The following FAM110B variants were observed in gnomAD, a reference collection of about 807,000 sequenced individuals.
FAM110B encodes the protein protein FAM110B.
In FAM110B, 6 loss-of-function variants were observed where a neutral mutation model predicts 20.4. The observed-to-expected ratio is 0.29, with a 90% CI of 0.16 to 0.58. FAM110B has a LOEUF of 0.58. Ranked by LOEUF, FAM110B falls within the 20% of genes least tolerant of loss-of-function variation. The pLI is 0.90. For synonymous variants in FAM110B, 226 were observed against 214.1 expected, an observed-to-expected ratio of 1.06 and a Z score of -0.49; for missense variants, 434 against 498.2, an observed-to-expected ratio of 0.87 and a Z score of 1.23.
At chr8:58,121,834 T>C (rs1183517957) in intron 3 of FAM110B, among the ~76,000 whole-genome samples, 5 of 152,228 alleles carry the variant, frequency 3.3e-5, no homozygotes, top group African/African-American at 1.2e-4. Flanking sequence ...TCCAGGGTCA[T>C]TTCAGGGCCA....
At chr8:58,145,695 C>T (rs1199851961) in intron 3 of FAM110B, among the ~76,000 whole-genome samples, 1 of 152,250 alleles carries the variant, frequency 6.6e-6, no homozygotes, top group African/African-American at 2.4e-5. Flanking sequence ...TCTTTCTTCC[C>T]GGCACAGCGT....
chr8:58,037,344 G>A (rs531755982), intron 2 of FAM110B, among the ~76,000 whole-genome samples: 46 of 151,596 alleles, frequency 3.0e-4, no homozygotes, highest in African/African-American at 1.0e-3. Flanking sequence ...TAATTAAAAT[G>A]TCCTCCAATT....
chr8:58,126,626 C>G (rs563718537), intron 3 of FAM110B, among the ~76,000 whole-genome samples: 1 of 152,154 alleles, frequency 6.6e-6, no homozygotes, highest in South Asian at 2.1e-4. Flanking sequence ...GTAGTGATAG[C>G]TCATTCATGA....
At chr8:58,126,979 C>T (rs1003569720) in intron 3 of FAM110B, among the ~76,000 whole-genome samples, 1 of 152,206 alleles carries the variant, frequency 6.6e-6, no homozygotes, top group Non-Finnish European at 1.5e-5. Context: ...CATCAAGCCA[C>T]AGATCCTAAA....
At chr8:58,140,808 G>A (rs1803729050) in intron 3 of FAM110B, among the ~76,000 whole-genome samples, 1 of 152,172 alleles carries the variant, frequency 6.6e-6, no homozygotes, top group Non-Finnish European at 1.5e-5. Context: ...GGTCTTTATT[G>A]GAGTTTGTCT....
At position 58,004,924 on chromosome 8, in the gene FAM110B, C is replaced by T. The variant is rs539316147; in HGVS notation, c.-512+10118C>T. 3.9e-5 allele frequency among the ~76,000 whole-genome samples: 6 copies of T among 152,256 alleles called. No homozygotes were observed. The East Asian group carries it at 5.8e-4, about 15-fold the overall frequency. On this transcript the variant is annotated intron_variant, in intron 1 of 3. Coordinates refer to ENST00000519262, the MANE Select transcript of FAM110B (RefSeq NM_001377989.1). ...TATCCAGACCACTAAAACTGTCTCCCGAGAAGCGATAAGGCTGTTTTGCTT... is the reference window on the plus strand; with the variant it reads ...TATCCAGACCACTAAAACTGTCTCCTGAGAAGCGATAAGGCTGTTTTGCTT...
At chr8:58,103,779 T>C (rs1806845103) in intron 3 of FAM110B, among the ~76,000 whole-genome samples, 2 of 152,174 alleles carry the variant, frequency 1.3e-5, no homozygotes, top group Admixed American at 1.3e-4. Context: ...AGGCCCCTTC[T>C]CCTCCTGCCT....
chr8:58,032,971 G>A (rs755806101), intron 2 of FAM110B, among the ~76,000 whole-genome samples: 1 of 152,156 alleles, frequency 6.6e-6, no homozygotes, highest in African/African-American at 2.4e-5. Flanking sequence ...TGAGTATATT[G>A]TGTGATGCTG....
intron 2 of FAM110B, among the ~76,000 whole-genome samples, chr8:58,069,341 A>T (rs2150589445): frequency 6.6e-6 from 1 of 152,172 alleles, no homozygotes; most frequent in African/African-American, 2.4e-5. Flanking sequence ...ATTGGCAGTA[A>T]CTCTTCGAGG....
chr8:58,074,849 C>T (rs759764571), intron 2 of FAM110B, among the ~76,000 whole-genome samples: 1 of 152,004 alleles, frequency 6.6e-6, no homozygotes, highest in Non-Finnish European at 1.5e-5. Flanking sequence ...CTCTGAGGCC[C>T]CTTTAAACTC....
Position 58,001,964 on chromosome 8 carries a change from G to C in FAM110B, c.-512+7158G>C, listed in dbSNP as rs186279522. Among the ~76,000 whole-genome samples the C allele has an allele frequency of 4.2e-3, 637 of 152,194 alleles. 18 individuals carry two copies. Among genetic ancestry groups the C allele is most frequent in the Non-Finnish European group, 8.4e-4 (57 of 68,008 alleles). On this transcript the variant is annotated intron_variant, in intron 1 of 3. Coordinates refer to ENST00000519262, the MANE Select transcript of FAM110B (RefSeq NM_001377989.1). The stretch of plus-strand genomic sequence containing the variant: ...AGATGGAGACCCAGGAGAACCAATG[G>C]TATAAGTTCTAGTATAAGGTCAGGA...
chr8:58,030,321 C>A (rs1055054377), intron 1 of FAM110B, among the ~76,000 whole-genome samples: 2 of 152,082 alleles, frequency 1.3e-5, no homozygotes, highest in African/African-American at 4.8e-5. Flanking sequence ...TCTTGTTGAA[C>A]CTTGTTAGGT....
chr8:58,089,032 G>T (rs556407048), intron 3 of FAM110B, among the ~76,000 whole-genome samples: 119 of 152,294 alleles, frequency 7.8e-4, no homozygotes, highest in African/African-American at 2.8e-3. Flanking sequence ...ACAATCAAAT[G>T]GTCCAACAAA....
intron 3 of FAM110B, among the ~76,000 whole-genome samples, chr8:58,107,452 T>A (rs1229807066): frequency 6.6e-6 from 1 of 152,230 alleles, no homozygotes; most frequent in Non-Finnish European, 1.5e-5. Context: ...TTCTAGTCTC[T>A]TGGGCATGAG....
chr8:58,087,759 C>T (rs1806374843), intron 3 of FAM110B, among the ~76,000 whole-genome samples: 1 of 152,076 alleles, frequency 6.6e-6, no homozygotes. Context: ...TTTTGCATAC[C>T]AATGTTCCAC....
chr8:58,130,658 C>T lies in FAM110B; in HGVS notation c.-324-15249C>T, dbSNP rs1468953118. 9.5e-4 allele frequency among the ~76,000 whole-genome samples: 144 copies of T among 152,256 alleles called. 1 individual carries two copies. The highest frequency in any genetic ancestry group is 1.9e-4 in the Non-Finnish European group (13 of 68,028). ...ATACCTCCAGTGCTAGTAACAGTGC[C>T]CAGCGTGAGTATAAATTGAATGATT... On this transcript the variant is annotated intron_variant, in intron 3 of 3. Coordinates refer to ENST00000519262, the MANE Select transcript of FAM110B (RefSeq NM_001377989.1).
intron 3 of FAM110B, among the ~76,000 whole-genome samples, chr8:58,090,498 CT>C (rs1806448620): frequency 6.6e-6 from 1 of 152,204 alleles, no homozygotes; most frequent in Non-Finnish European, 1.5e-5. Context: ...CTCTAACTTA[CT>C]TTATTGTAAG....
intron 3 of FAM110B, among the ~76,000 whole-genome samples, chr8:58,124,564 T>C (rs547797546): frequency 2.0e-5 from 3 of 152,310 alleles, no homozygotes; most frequent in African/African-American, 4.8e-5. Context: ...TAGTGATGTA[T>C]GTGAAGAGAG....
chr8:58,029,402 A>T (rs1804920722), intron 1 of FAM110B, among the ~76,000 whole-genome samples: 1 of 152,194 alleles, frequency 6.6e-6, no homozygotes, highest in African/African-American at 2.4e-5. Context: ...TGGATTTCTC[A>T]TGGGCATTCA....
Sources: allele counts gnomAD v4.1 joint callset (sites outside exome capture counted in the v4.1 genomes callset), GRCh38; gene constraint gnomAD v4.1.1; transcripts MANE v1.5; gene names NCBI Gene and HGNC (gene_info 2026-07-23, HGNC 2026-07-21).